Variants in DKK3 observed in about 807,000 individuals in gnomAD.
The protein encoded by DKK3 is dickkopf Wnt signaling pathway inhibitor 3.
A neutral mutation model predicts 33.2 loss-of-function variants in DKK3; 22 were observed. That is an observed-to-expected ratio of 0.66 (90% CI 0.47 to 0.95). DKK3 has a LOEUF of 0.95. Ranked by LOEUF, DKK3 falls within the 40% of genes least tolerant of loss-of-function variation. The probability of loss-of-function intolerance (pLI) is 0.00; values close to 1 mark genes in which losing one functional copy is unlikely to be tolerated. For synonymous variants in DKK3, 194 were observed against 188.8 expected (o/e 1.03, Z -0.23); for missense variants, 398 against 458.4 (o/e 0.87, Z 1.20).
chr11:11,996,237 T>C (rs974935549), intron 3 of DKK3, among the ~76,000 whole-genome samples: 1 of 152,174 alleles, frequency 6.6e-6, no homozygotes, highest in African/African-American at 2.4e-5. Context: ...TGCAAAATGA[T>C]AGAATGAGAC....
At chr11:11,983,122 G>T (rs1486997566) in intron 3 of DKK3, among the ~76,000 whole-genome samples, 1 of 152,240 alleles carries the variant, frequency 6.6e-6, no homozygotes, top group African/African-American at 2.4e-5. Flanking sequence ...CGTCCTTGGG[G>T]ATGGATAGAG....
intron 3 of DKK3, chr11:11,994,530 GA>G (rs1277459705): frequency 4.6e-5 from 7 of 152,254 alleles, no homozygotes; most frequent in African/African-American, 1.7e-4. Flanking sequence ...GATCCTCTGG[GA>G]ACTGATTGAG....
At chr11:11,975,628 TAA>T (rs750395229) in intron 3 of DKK3, among the ~76,000 whole-genome samples, 3 of 152,128 alleles carry the variant, frequency 2.0e-5, no homozygotes, top group Non-Finnish European at 4.4e-5. Context: ...GGTCCTCTGG[TAA>T]AGAGTCAGCA....
intron 3 of DKK3, among the ~76,000 whole-genome samples, chr11:11,984,666 A>G (rs1325106949): frequency 1.3e-5 from 2 of 151,512 alleles, no homozygotes; most frequent in African/African-American, 2.4e-5. Flanking sequence ...AAAAAAAAAA[A>G]AAAAAAGAAA....
At chr11:11,977,029 C>T (rs1847848337) in intron 3 of DKK3, among the ~76,000 whole-genome samples, 1 of 152,168 alleles carries the variant, frequency 6.6e-6, no homozygotes. Context: ...AAAACCCAGG[C>T]AGGAGCCAGG....
chr11:12,008,971 T>A, upstream of DKK3: 1 of 1,003,618 alleles, frequency 1.0e-6, no homozygotes. This position sits in a 1 kb window ranked among gnomAD's most constrained non-coding sequence, Gnocchi z 4.6. Context: ...GTTCAAACCC[T>A]AGCCCCTCCT....
At chr11:11,981,427 G>C (rs1467498041) in intron 3 of DKK3, among the ~76,000 whole-genome samples, 1 of 152,184 alleles carries the variant, frequency 6.6e-6, no homozygotes, top group Admixed American at 6.5e-5. Context: ...CATGGTACCT[G>C]TCCAAGTTCC....
chr11:11,974,063 C>T (rs1302480797), intron 3 of DKK3, among the ~76,000 whole-genome samples: 1 of 152,246 alleles, frequency 6.6e-6, no homozygotes, highest in African/African-American at 2.4e-5. Context: ...GGATGGATGC[C>T]TCCAGGGCCA....
intron 3 of DKK3, among the ~76,000 whole-genome samples, chr11:11,996,174 A>C (rs150957236): frequency 1.8e-4 from 28 of 152,338 alleles, no homozygotes; most frequent in African/African-American, 6.5e-4. Context: ...CTCTGAGAGA[A>C]AGTTTCTGCA....
chr11:12,005,458 C>A, intron 1 of DKK3, among the ~76,000 whole-genome samples: 1 of 152,130 alleles, frequency 6.6e-6, no homozygotes, highest in Non-Finnish European at 1.5e-5. Context: ...ACAGAGCTGG[C>A]CATGAGGGGA....
intron 3 of DKK3, among the ~76,000 whole-genome samples, chr11:11,970,830 G>C (rs1434041171): frequency 6.6e-6 from 1 of 152,224 alleles, no homozygotes; most frequent in Non-Finnish European, 1.5e-5. Flanking sequence ...ATGCAGCCCT[G>C]CCCACTCTTT....
intron 1 of DKK3, among the ~76,000 whole-genome samples, chr11:12,003,764 A>G (rs1848480383): frequency 6.6e-6 from 1 of 152,152 alleles, no homozygotes; most frequent in South Asian, 2.1e-4. Context: ...AGAATGCTCA[A>G]AAAGTATTTT....
intron 5 of DKK3, among the ~76,000 whole-genome samples, chr11:11,966,580 G>A (rs1248983169): frequency 1.3e-5 from 2 of 152,096 alleles, no homozygotes; most frequent in African/African-American, 2.4e-5. Context: ...GGGGCGGAGA[G>A]AGCCTGAGCA....
rs368396242 is a variant in DKK3, at chr11:12,005,459, C to T, written c.213+2911G>A. Among the ~76,000 whole-genome samples, 6 of 152,248 alleles carry T rather than the reference C, an allele frequency of 3.9e-5. No homozygotes were observed. In the South Asian group the frequency reaches 1.2e-3, roughly 32 times the overall value. ...AAAATGAGTGAGTTACAGAGCTGGC[C>T]ATGAGGGGAAGAGAAACAGAGTGGT... is the stretch of plus-strand genomic sequence containing the variant. On this transcript the variant is annotated intron_variant, in intron 1 of 6. Transcript: ENST00000683431.
Position 12,008,213 on chromosome 11 carries a change from G to C in DKK3, c.213+157C>G, listed in dbSNP as rs1316390226. Among the ~76,000 whole-genome samples, 2 of 152,148 alleles carry C rather than the reference G, an allele frequency of 1.3e-5. No individual in the cohort carries two copies. The highest frequency in any genetic ancestry group is 2.9e-5 in the Non-Finnish European group (2 of 68,018). On this transcript the variant is annotated intron_variant, in intron 1 of 6. Coordinates refer to ENST00000683431, the MANE Select transcript of DKK3 (RefSeq NM_001018057.2). The surrounding 1 kb of genome is among the most constrained non-coding windows in gnomAD (Gnocchi z 4.6). ...AAACGAGGCGGGAGTAGGGATCACCGTGCGCTGCCTCCAGGTCACTCCGCA... is the reference window on the plus strand; with the variant it reads ...AAACGAGGCGGGAGTAGGGATCACCCTGCGCTGCCTCCAGGTCACTCCGCA...
At chr11:11,974,566 C>G (rs1467363268) in intron 3 of DKK3, among the ~76,000 whole-genome samples, 1 of 152,116 alleles carries the variant, frequency 6.6e-6, no homozygotes, top group African/African-American at 2.4e-5. Flanking sequence ...CCAACTCCCA[C>G]AATAATGGCA....
intron 3 of DKK3, among the ~76,000 whole-genome samples, chr11:11,972,165 T>A (rs1031178836): frequency 6.6e-6 from 1 of 152,184 alleles, no homozygotes; most frequent in Non-Finnish European, 1.5e-5. Context: ...AAAACAAAGA[T>A]GAAGGCAGGA....
At chr11:11,990,346 G>A (rs779185311) in intron 3 of DKK3, among the ~76,000 whole-genome samples, 11 of 152,236 alleles carry the variant, frequency 7.2e-5, no homozygotes, top group Non-Finnish European at 4.4e-5. Context: ...CCAAGCAAAA[G>A]CAAAGTGCTC....
In DKK3 at chr11:11,964,625, T is replaced by G. The variant is rs1847539150; in HGVS notation, c.892A>C (p.Ile298Leu). The G allele has an allele frequency of 2.5e-6, 4 of 1,613,910 alleles. No homozygotes were observed. The South Asian group carries it at 4.4e-5, about 18-fold the overall frequency. ...FVGSRDQDGE[I>L]LLPREVPDEY... Reference sequence around the variant, plus strand: ...TCGGGGACCTCTCTGGGCAGCAGGATCTCCCCATCTTGGTCACGGCTCCCC... The same window carrying G: ...TCGGGGACCTCTCTGGGCAGCAGGAGCTCCCCATCTTGGTCACGGCTCCCC... Residue 298 changes from isoleucine (I) to leucine (L), a missense_variant, in exon 7 of 7, where the codon ATC (isoleucine) becomes CTC (leucine). By Grantham distance (5) the Ile-to-Leu change is conservative. Coordinates refer to ENST00000683431, the MANE Select transcript of DKK3 (RefSeq NM_001018057.2).
Sources: gnomAD v4.1 joint callset for allele counts (sites outside exome capture counted in the v4.1 genomes callset) on GRCh38, gnomAD v4.1.1 for gene constraint, Gnocchi (gnomAD v3.1) non-coding constraint, MANE v1.5 for transcripts, NCBI Gene and HGNC (gene_info 2026-07-23, HGNC 2026-07-21) for gene names.